The following TTC28 variants were observed in gnomAD, a reference collection of about 807,000 sequenced individuals.
TTC28 encodes the protein tetratricopeptide repeat domain 28.
In TTC28, 61 loss-of-function variants were observed where a neutral mutation model predicts 198.0. That is an observed-to-expected ratio of 0.31 (90% CI 0.25 to 0.38). The LOEUF is 0.38. TTC28 is among the 10% of genes least tolerant of loss of function. The pLI is 1.00. For missense variants in TTC28, 2,678 were observed against 3,164.0 expected, an observed-to-expected ratio of 0.85 and a Z score of 3.69; for synonymous variants, 1,171 against 1,297.8, an observed-to-expected ratio of 0.90 and a Z score of 2.10.
intron 5 of TTC28, among the ~76,000 whole-genome samples, chr22:28,223,672 C>A (rs897555637): frequency 1.3e-5 from 2 of 152,146 alleles, no homozygotes; most frequent in Non-Finnish European, 2.9e-5. Context: ...AAAACAAGCA[C>A]AATTACACAA....
At chr22:28,525,822 A>G (rs572519341) in intron 2 of TTC28, among the ~76,000 whole-genome samples, 278 of 152,278 alleles carry the variant, frequency 1.8e-3, no homozygotes, top group African/African-American at 6.4e-3. Flanking sequence ...ACCTAAAAGC[A>G]CTGTTATTTA....
rs1158272605 is a variant in TTC28, at chr22:28,545,416, TA to T, written c.381+84135del. 4.6e-5 allele frequency among the ~76,000 whole-genome samples: 7 copies of T among 151,428 alleles called. No individual in the cohort carries two copies. In the South Asian group the frequency reaches 6.3e-4, roughly 14 times the overall value. ...GAGACCCTGTCTCTACAAAAAAAAT[TA>T]AAAAAATAAAAAATAGCCAGGCATA... On this transcript the variant is annotated intron_variant, in intron 2 of 22. Coordinates refer to ENST00000397906, the MANE Select transcript of TTC28 (RefSeq NM_001145418.2).
intron 5 of TTC28, among the ~76,000 whole-genome samples, chr22:28,271,974 C>A (rs1241105696): frequency 1.3e-5 from 2 of 152,144 alleles, no homozygotes; most frequent in Non-Finnish European, 2.9e-5. Flanking sequence ...TTATGTAAGA[C>A]ATGCCTTTTG....
intron 5 of TTC28, among the ~76,000 whole-genome samples, chr22:28,205,204 C>T (rs753352720): frequency 4.6e-5 from 7 of 152,038 alleles, no homozygotes; most frequent in East Asian, 3.9e-4. Flanking sequence ...TTTGTTTTAA[C>T]GCAACACACA....
At chr22:28,211,607 T>A (rs1225258080) in intron 5 of TTC28, among the ~76,000 whole-genome samples, 2 of 152,218 alleles carry the variant, frequency 1.3e-5, no homozygotes, top group Non-Finnish European at 2.9e-5. Context: ...ATGCACCCAA[T>A]ACAGGAGCAC....
chr22:28,016,580 G>C (rs926675021), intron 13 of TTC28, among the ~76,000 whole-genome samples: 1 of 152,218 alleles, frequency 6.6e-6, no homozygotes, highest in Non-Finnish European at 1.5e-5. Flanking sequence ...AACTTGAGGT[G>C]CCTCAGTCTG....
chr22:28,292,973 T>C (rs1351974333), intron 5 of TTC28, among the ~76,000 whole-genome samples: 1 of 152,116 alleles, frequency 6.6e-6, no homozygotes, highest in African/African-American at 2.4e-5. Flanking sequence ...ATAGATAAAA[T>C]ACATATTGCT....
chr22:27,996,822 C>T (rs1336704641), intron 16 of TTC28, among the ~76,000 whole-genome samples: 1 of 152,204 alleles, frequency 6.6e-6, no homozygotes, highest in African/African-American at 2.4e-5. Context: ...ACCAACCTGC[C>T]CCCAGATCAT....
At chr22:28,187,856 T>A (rs1021039076) in intron 5 of TTC28, among the ~76,000 whole-genome samples, 2 of 152,198 alleles carry the variant, frequency 1.3e-5, no homozygotes, top group Non-Finnish European at 2.9e-5. Flanking sequence ...AACTGGCACA[T>A]ACTGTGAATA....
intron 6 of TTC28, among the ~76,000 whole-genome samples, chr22:28,150,491 G>A (rs917387203): frequency 6.6e-6 from 1 of 152,114 alleles, no homozygotes. Context: ...TCATTCAAAA[G>A]CAAATTCCTC....
chr22:28,598,839 A>G (rs898496369), intron 2 of TTC28, among the ~76,000 whole-genome samples: 10 of 152,214 alleles, frequency 6.6e-5, no homozygotes, highest in Non-Finnish European at 1.0e-4. Context: ...AAGGGAGTAC[A>G]CTTTATTCCC....
intron 5 of TTC28, among the ~76,000 whole-genome samples, chr22:28,193,815 T>C (rs1033492258): frequency 6.6e-6 from 1 of 152,118 alleles, no homozygotes; most frequent in Non-Finnish European, 1.5e-5. Flanking sequence ...CCAAGAGACT[T>C]AGACTCCCAC....
chr22:28,308,986 T>G (rs1027108174), intron 2 of TTC28, among the ~76,000 whole-genome samples: 2 of 152,160 alleles, frequency 1.3e-5, no homozygotes, highest in African/African-American at 4.8e-5. Context: ...CAATATTCAT[T>G]GCATGTACAA....
chr22:27,978,908 C>G lies in TTC28; in HGVS notation c.*3313G>C, dbSNP rs1334792567. ...TGGAGTAGCAGAGGGTGGGGCATGCCAGTTTCCTGAGCTAAAAGGAAATAT... is the reference window on the plus strand; with the variant it reads ...TGGAGTAGCAGAGGGTGGGGCATGCGAGTTTCCTGAGCTAAAAGGAAATAT... On this transcript the variant is annotated 3_prime_UTR_variant, in exon 23 of 23. Coordinates refer to ENST00000397906, the MANE Select transcript of TTC28 (RefSeq NM_001145418.2). The G allele has an allele frequency of 6.6e-6, 1 of 152,136 alleles. No homozygotes were observed. The highest frequency in any genetic ancestry group is 2.4e-5 in the African/African-American group (1 of 41,420). 9.4% of individuals were successfully genotyped at this position (152,136 alleles called of 1,614,324 possible). A position where few individuals can be genotyped will look rare whatever the true frequency, so the allele number is the denominator to read the frequency against.
chr22:28,384,205 C>T (rs1370090251), intron 2 of TTC28, among the ~76,000 whole-genome samples: 5 of 152,162 alleles, frequency 3.3e-5, no homozygotes, highest in African/African-American at 1.2e-4. Context: ...TGCACCCCAT[C>T]CTCTTCATCA....
At chr22:28,189,935 T>A (rs1286813261) in intron 5 of TTC28, among the ~76,000 whole-genome samples, 1 of 152,244 alleles carries the variant, frequency 6.6e-6, no homozygotes, top group Non-Finnish European at 1.5e-5. Flanking sequence ...CTTTTCTTAT[T>A]AGGAAGCTTA....
intron 5 of TTC28, among the ~76,000 whole-genome samples, chr22:28,232,198 G>C (rs1240492907): frequency 6.6e-6 from 1 of 152,176 alleles, no homozygotes; most frequent in Non-Finnish European, 1.5e-5. Flanking sequence ...TCAGGTGTGG[G>C]CATCTGACTG....
At position 28,108,136 on chromosome 22, in the gene TTC28, T is replaced by C. The variant is rs1452758678; in HGVS notation, c.1709A>G (p.His570Arg). ...CTGATAGTGTTGCAGGGCCCGGTCA[T>C]GGGCACCCAGGGCCTGGTAGGCCAC... ...LAVAYQALGA[H>R]DRALQHYQNH... The change falls in exon 7 of 23, where the codon CAT (histidine) becomes CGT (arginine). Residue 570 changes from histidine to arginine, a missense_variant. Physicochemically the swap from His to Arg is conservative, Grantham distance 29. Coordinates refer to ENST00000397906, the MANE Select transcript of TTC28 (RefSeq NM_001145418.2). 7 of 1,551,604 alleles carry C rather than the reference T, an allele frequency of 4.5e-6. No homozygotes were observed. The highest frequency in any genetic ancestry group is 2.4e-5 in the South Asian group (2 of 84,064).
chr22:28,508,058 T>C (rs1442404393), intron 2 of TTC28, among the ~76,000 whole-genome samples: 1 of 152,026 alleles, frequency 6.6e-6, no homozygotes. Flanking sequence ...CACATAACAA[T>C]ACTAAACTTA....
Sources: gnomAD v4.1 joint callset for allele counts (sites outside exome capture counted in the v4.1 genomes callset) on GRCh38, gnomAD v4.1.1 for gene constraint, MANE v1.5 for transcripts, NCBI Gene and HGNC (gene_info 2026-07-23, HGNC 2026-07-21) for gene names.